TSC22D1: variants seen among roughly 807,000 people sequenced by gnomAD.
TSC22D1 encodes TSC22 domain family protein 1.
Under a neutral mutation model 74.2 loss-of-function variants are expected in TSC22D1, and 9 were observed. The observed-to-expected ratio is 0.12, with a 90% CI of 0.07 to 0.21. The LOEUF is 0.21. Ranked by LOEUF, TSC22D1 falls within the 10% of genes least tolerant of loss-of-function variation. TSC22D1 has a pLI of 1.00. For synonymous variants in TSC22D1, 586 were observed against 492.5 expected (o/e 1.19, Z -2.51); for missense variants, 1,427 against 1,304.7 (o/e 1.09, Z -1.44).
chr13:44,494,920 T>C (rs182796292), intron 1 of TSC22D1, among the ~76,000 whole-genome samples: 23 of 152,098 alleles, frequency 1.5e-4, no homozygotes, highest in East Asian at 1.9e-4. Context: ...ACAGAAAGTA[T>C]AAAAAGGAAC....
At chr13:44,571,784 A>ATCC (rs1883782278) in intron 1 of TSC22D1, among the ~76,000 whole-genome samples, 3 of 152,158 alleles carry the variant, frequency 2.0e-5, no homozygotes. Flanking sequence ...AATAATACAG[A>ATCC]ATACATTTGG....
chr13:44,447,051 C>G (rs1339395774), intron 1 of TSC22D1, among the ~76,000 whole-genome samples: 2 of 151,966 alleles, frequency 1.3e-5, no homozygotes, highest in Non-Finnish European at 2.9e-5. Context: ...CTGAAACTAT[C>G]CATTAAATAA....
At chr13:44,544,337 C>T (rs1005868803) in intron 1 of TSC22D1, among the ~76,000 whole-genome samples, 43 of 149,750 alleles carry the variant, frequency 2.9e-4, no homozygotes, top group African/African-American at 9.3e-4. Flanking sequence ...AGATCTTACC[C>T]GATAACAAAA....
intron 1 of TSC22D1, among the ~76,000 whole-genome samples, chr13:44,473,742 T>C (rs1877740128): frequency 6.6e-6 from 1 of 152,138 alleles, no homozygotes; most frequent in Non-Finnish European, 1.5e-5. Context: ...TTACATATAA[T>C]TTGAGGACCT....
intron 1 of TSC22D1, among the ~76,000 whole-genome samples, chr13:44,447,534 G>A (rs1163142063): frequency 1.3e-5 from 2 of 151,926 alleles, no homozygotes; most frequent in African/African-American, 2.4e-5. Flanking sequence ...TCATATTAGC[G>A]TTAAAAGATT....
intron 1 of TSC22D1, among the ~76,000 whole-genome samples, chr13:44,517,813 G>GTT: frequency 4.2e-5 from 1 of 23,676 alleles, no homozygotes; most frequent in Non-Finnish European, 8.8e-5. Flanking sequence ...ACATATATAT[G>GTT]TGTGTGTGTG....
chr13:44,543,830 G>A (rs535053719), intron 1 of TSC22D1, among the ~76,000 whole-genome samples: 11 of 152,300 alleles, frequency 7.2e-5, no homozygotes, highest in East Asian at 3.9e-4. Flanking sequence ...CATGGCTCAC[G>A]CCTGTAATCC....
intron 1 of TSC22D1, chr13:44,539,776 A>G: frequency 7.8e-7 from 1 of 1,282,112 alleles, no homozygotes; most frequent in Non-Finnish European, 1.0e-6. Context: ...CTTGTTTATT[A>G]TCCTTTCCCA....
chr13:44,565,402 AG>A (rs1409510931), intron 1 of TSC22D1, among the ~76,000 whole-genome samples: 3 of 152,190 alleles, frequency 2.0e-5, no homozygotes, highest in Non-Finnish European at 4.4e-5. Flanking sequence ...TCGTGCTGAA[AG>A]GTCAAGATTT....
At chr13:44,458,665 A>G (rs1876813622) in intron 1 of TSC22D1, among the ~76,000 whole-genome samples, 3 of 152,046 alleles carry the variant, frequency 2.0e-5, no homozygotes. Flanking sequence ...CTTCCCCCAC[A>G]GGCTTGGAAG....
At chr13:44,488,603 C>A (rs1319166782) in intron 1 of TSC22D1, among the ~76,000 whole-genome samples, 2 of 151,990 alleles carry the variant, frequency 1.3e-5, no homozygotes, top group Non-Finnish European at 2.9e-5. Flanking sequence ...TGTCATTATT[C>A]TCAGATGCTA....
chr13:44,563,981 T>A (rs1284534438), intron 1 of TSC22D1, among the ~76,000 whole-genome samples: 1 of 152,190 alleles, frequency 6.6e-6, no homozygotes. Flanking sequence ...ATACACTCCT[T>A]GGGGACAAGA....
intron 1 of TSC22D1, among the ~76,000 whole-genome samples, chr13:44,527,888 A>G (rs1157529182): frequency 2.0e-5 from 3 of 152,114 alleles, no homozygotes; most frequent in African/African-American, 7.2e-5. Context: ...TAATCAAAAC[A>G]AAGTGGGAAT....
In TSC22D1 at chr13:44,575,578, C is replaced by T. The variant is rs1884163832; in HGVS notation, c.497G>A (p.Gly166Glu). 1.2e-6 allele frequency: 2 copies of T among 1,613,824 alleles called. No homozygotes were observed. Among genetic ancestry groups the T allele is most frequent in the Non-Finnish European group, 1.7e-6 (2 of 1,180,006 alleles). ...DVSLSRATDL[G>E]EPERSSSEET... ...TTCTGAGGAGCTGCGTTCGGGCTCC[C>T]CTAAGTCAGTAGCCCTGGAAAGTGA... Residue 166 changes from glycine (G) to glutamate (E), a missense_variant, in exon 1 of 3, where the codon GGG becomes GAG. Gly to Glu is a moderately conservative substitution (Grantham distance 98, BLOSUM62 -2). Coordinates refer to ENST00000458659, the MANE Select transcript of TSC22D1 (RefSeq NM_183422.4).
At chr13:44,572,010 T>C (rs886142997) in intron 1 of TSC22D1, among the ~76,000 whole-genome samples, 8 of 152,160 alleles carry the variant, frequency 5.3e-5, no homozygotes, top group African/African-American at 1.7e-4. Flanking sequence ...AACATACATA[T>C]AGAATATAAA....
In TSC22D1 at chr13:44,573,479, C is replaced by T. The variant is rs1443992045; in HGVS notation, c.2596G>A (p.Gly866Ser). The T allele has an allele frequency of 1.2e-6, 2 of 1,614,196 alleles. No individual in the cohort carries two copies. Among genetic ancestry groups the T allele is most frequent in the Non-Finnish European group, 1.7e-6 (2 of 1,180,038 alleles). Residue 866 changes from glycine (G) to serine (S), a missense_variant, in exon 1 of 3, where the codon GGT becomes AGT. Gly to Ser is a moderately conservative substitution (Grantham distance 56). Coordinates refer to ENST00000458659, the MANE Select transcript of TSC22D1 (RefSeq NM_183422.4). The stretch of plus-strand genomic sequence containing the variant: ...TGACTAACACTTTGAACCAAATTAC[C>T]ATTTTGGGTAGCAGGGGTTTGTGCT... ...NIAQTPATQNGNLVQSVSQPP... is the reference protein window; with the variant it reads ...NIAQTPATQNSNLVQSVSQPP...
chr13:44,529,851 A>C (rs1880736835), intron 1 of TSC22D1, among the ~76,000 whole-genome samples: 1 of 152,122 alleles, frequency 6.6e-6, no homozygotes, highest in Non-Finnish European at 1.5e-5. Context: ...ACTTTGGTAT[A>C]AATCTAACAA....
At chr13:44,447,559 A>G (rs1294660270) in intron 1 of TSC22D1, among the ~76,000 whole-genome samples, 1 of 152,134 alleles carries the variant, frequency 6.6e-6, no homozygotes, top group Non-Finnish European at 1.5e-5. Flanking sequence ...AAAATTAAAT[A>G]CTTGCTTTAA....
At chr13:44,536,288 T>G (rs1881126690) in intron 1 of TSC22D1, among the ~76,000 whole-genome samples, 1 of 152,080 alleles carries the variant, frequency 6.6e-6, no homozygotes. Flanking sequence ...CTTAATGTTA[T>G]TTTTAATTTT....
Sources: allele counts gnomAD v4.1 joint callset (sites outside exome capture counted in the v4.1 genomes callset), GRCh38; gene constraint gnomAD v4.1.1; transcripts MANE v1.5; gene names NCBI Gene and HGNC (gene_info 2026-07-23, HGNC 2026-07-21).